Variants in PRIM2 observed in about 807,000 individuals in gnomAD.
The protein encoded by PRIM2 is DNA primase subunit 2.
A neutral mutation model predicts 67.3 loss-of-function variants in PRIM2; 39 were observed. The observed-to-expected ratio is 0.58, with a 90% CI of 0.45 to 0.76. The LOEUF (loss-of-function observed/expected upper bound fraction) is 0.76. PRIM2 is among the 30% of genes least tolerant of loss of function. The pLI, the probability that PRIM2 is intolerant of heterozygous loss-of-function variation, is 0.00. For missense variants in PRIM2, 398 were observed against 598.7 expected, an observed-to-expected ratio of 0.66 and a Z score of 3.50; for synonymous variants, 143 against 198.7, an observed-to-expected ratio of 0.72 and a Z score of 2.36.
At chr6:57,529,171 G>A (rs1774831520) in intron 8 of PRIM2, among the ~76,000 whole-genome samples, 2 of 152,214 alleles carry the variant, frequency 1.3e-5, no homozygotes, top group South Asian at 4.1e-4. Flanking sequence ...TTAGCCGGTC[G>A]TGGTGGTGGG....
At chr6:57,409,093 A>T (rs544841639) in intron 7 of PRIM2, among the ~76,000 whole-genome samples, 4 of 151,762 alleles carry the variant, frequency 2.6e-5, no homozygotes, top group Admixed American at 6.6e-5. Context: ...CTAGTCCCCA[A>T]TTCAAATGTC....
chr6:57,319,529 A>G (rs751119777), intron 2 of PRIM2, among the ~76,000 whole-genome samples: 2 of 152,362 alleles, frequency 1.3e-5, no homozygotes, highest in Middle Eastern at 3.4e-3. Flanking sequence ...AGCAGTGTCA[A>G]TACTTCATAG....
chr6:57,443,679 G>GT (rs1772274420), intron 7 of PRIM2, among the ~76,000 whole-genome samples: 1 of 152,016 alleles, frequency 6.6e-6, no homozygotes, highest in Non-Finnish European at 1.5e-5. Context: ...CTTATCAGGC[G>GT]TAACACTTGG....
At chr6:57,456,193 A>G (rs1204180061) in intron 7 of PRIM2, among the ~76,000 whole-genome samples, 1 of 152,086 alleles carries the variant, frequency 6.6e-6, no homozygotes, top group Admixed American at 6.5e-5. Context: ...GGGTAACCCG[A>G]CCTTTCTCTC....
intron 7 of PRIM2, among the ~76,000 whole-genome samples, chr6:57,426,061 A>G (rs1771614361): frequency 6.6e-6 from 1 of 152,176 alleles, no homozygotes; most frequent in Admixed American, 6.5e-5. Context: ...TTGAAGATGG[A>G]AAGTAACTCA....
intron 13 of PRIM2, among the ~76,000 whole-genome samples, chr6:57,639,957 C>G (rs1476033429): frequency 5.3e-5 from 8 of 151,914 alleles, no homozygotes; most frequent in African/African-American, 1.9e-4. Context: ...GCCAATATCC[C>G]TGGTGAACAT....
chr6:57,478,299 C>A (rs1458569108), intron 7 of PRIM2, among the ~76,000 whole-genome samples: 1 of 150,704 alleles, frequency 6.6e-6, no homozygotes, highest in African/African-American at 2.4e-5. Context: ...CTATACATTT[C>A]ATTTTATTAG....
the PRIM2 span, among the ~76,000 whole-genome samples, chr6:57,248,326 G>A: frequency 9.9e-5 from 15 of 152,260 alleles, no homozygotes; most frequent in African/African-American, 2.9e-4. Flanking sequence ...TTACCTAATT[G>A]TCTTTAGCTA....
chr6:57,568,747 G>T (rs1257209226), intron 10 of PRIM2, among the ~76,000 whole-genome samples: 3 of 152,126 alleles, frequency 2.0e-5, no homozygotes, highest in Non-Finnish European at 4.4e-5. Flanking sequence ...ACTTAAAGGG[G>T]GTGTGCCTGT....
chr6:57,412,045 CAT>C (rs1425938652), intron 7 of PRIM2, among the ~76,000 whole-genome samples: 1 of 150,120 alleles, frequency 6.7e-6, no homozygotes, highest in African/African-American at 2.4e-5. Flanking sequence ...TTTTTGAGAA[CAT>C]AGGGAAAAAG....
At chr6:57,474,503 T>A (rs1362136117) in intron 7 of PRIM2, among the ~76,000 whole-genome samples, 3 of 152,156 alleles carry the variant, frequency 2.0e-5, no homozygotes, top group African/African-American at 7.2e-5. Context: ...ACATTTAAAA[T>A]TTTTTTCATT....
At chr6:57,473,156 A>T (rs1230196116) in intron 7 of PRIM2, among the ~76,000 whole-genome samples, 1 of 152,180 alleles carries the variant, frequency 6.6e-6, no homozygotes, top group Non-Finnish European at 1.5e-5. Context: ...GTCTTTTGGA[A>T]TCTCATCAAG....
chr6:57,344,048 A>C (rs888376515), intron 5 of PRIM2, among the ~76,000 whole-genome samples: 1 of 152,098 alleles, frequency 6.6e-6, no homozygotes, highest in African/African-American at 2.4e-5. Context: ...ACTGAAACTG[A>C]ATTAGCAGGC....
At chr6:57,337,581 G>T (rs1254902207) in intron 5 of PRIM2, among the ~76,000 whole-genome samples, 1 of 152,018 alleles carries the variant, frequency 6.6e-6, no homozygotes, top group African/African-American at 2.4e-5. Flanking sequence ...CAACTACATG[G>T]AAACTGAACA....
chr6:57,535,231 G>T (rs1774980170), intron 9 of PRIM2, among the ~76,000 whole-genome samples: 1 of 152,150 alleles, frequency 6.6e-6, no homozygotes, highest in Non-Finnish European at 1.5e-5. Context: ...GGTGCACCAG[G>T]CAGGGCTAGC....
chr6:57,228,071 T>G, the PRIM2 span, among the ~76,000 whole-genome samples: 1 of 152,208 alleles, frequency 6.6e-6, no homozygotes, highest in Non-Finnish European at 1.5e-5. Flanking sequence ...TAAAACACTT[T>G]AAATATTGAT....
intron 8 of PRIM2, among the ~76,000 whole-genome samples, chr6:57,517,260 C>T (rs1774505845): frequency 6.6e-6 from 1 of 152,132 alleles, no homozygotes; most frequent in Non-Finnish European, 1.5e-5. Context: ...TGATTTTACA[C>T]TGTGTTAGTC....
At chr6:57,544,246 TG>T (rs1482281639) in intron 10 of PRIM2, among the ~76,000 whole-genome samples, 19 of 151,676 alleles carry the variant, frequency 1.3e-4, no homozygotes, top group Non-Finnish European at 2.8e-4. Flanking sequence ...GGAATGTCTC[TG>T]GTCGGAGAGG....
intron 7 of PRIM2, among the ~76,000 whole-genome samples, chr6:57,414,810 GTTC>G (rs1244477180): frequency 1.3e-5 from 2 of 151,852 alleles, no homozygotes; most frequent in Non-Finnish European, 2.9e-5. Flanking sequence ...TTATGCCTTT[GTTC>G]TTTTATTTCT....
Sources: allele counts gnomAD v4.1 joint callset (sites outside exome capture counted in the v4.1 genomes callset), GRCh38; gene constraint gnomAD v4.1.1; transcripts MANE v1.5; gene names NCBI Gene and HGNC (gene_info 2026-07-23, HGNC 2026-07-21).